The following ADCY10 variants were observed in gnomAD, a reference collection of about 807,000 sequenced individuals.
ADCY10 encodes the protein adenylate cyclase type 10.
Under a neutral mutation model 183.3 loss-of-function variants are expected in ADCY10, and 156 were observed. The observed-to-expected ratio is 0.85, with a 90% CI of 0.75 to 0.97. The LOEUF (loss-of-function observed/expected upper bound fraction) is 0.97, where lower values mean the gene tolerates loss of function less well. Ranked by LOEUF, ADCY10 falls within the 50% of genes least tolerant of loss-of-function variation. The pLI, the probability that ADCY10 is intolerant of heterozygous loss-of-function variation, is 0.00. For synonymous variants in ADCY10, 645 were observed against 670.0 expected, an observed-to-expected ratio of 0.96 and a Z score of 0.58; for missense variants, 1,745 against 1,934.3, an observed-to-expected ratio of 0.90 and a Z score of 1.84.
chr1:167,905,153 TG>T lies in ADCY10; in HGVS notation c.-14del. 6.2e-7 allele frequency: 1 copy of T among 1,614,198 alleles called. No individual in the cohort carries two copies. Among genetic ancestry groups the T allele is most frequent in the Non-Finnish European group, 8.5e-7 (1 of 1,180,044 alleles). On this transcript the variant is annotated 5_prime_UTR_variant, in exon 2 of 33. Coordinates refer to ENST00000367851, the MANE Select transcript of ADCY10 (RefSeq NM_018417.6). ...TTGGAGTGTTCATGTTCAAGACAAA[TG>T]TTCAGGATTTTATGGTGACAGGAAG...
At chr1:167,817,943 G>A (rs1662628385) in intron 31 of ADCY10, 129 bp downstream of exon 31, 1 of 915,644 alleles carries the variant, frequency 1.1e-6, no homozygotes, top group South Asian at 1.6e-5. Context: ...CTTACTTTGG[G>A]GAAGTGCCTT....
At chr1:167,904,842 C>T in intron 2 of ADCY10, 151 bp downstream of exon 2, 1 of 987,620 alleles carries the variant, frequency 1.0e-6, no homozygotes, top group Non-Finnish European at 1.6e-6. Flanking sequence ...CAAGCTATTT[C>T]CTCCCTCTTG....
intron 3 of ADCY10, 69 bp downstream of exon 3, chr1:167,903,818 T>C: frequency 1.7e-6 from 2 of 1,147,162 alleles, no homozygotes; most frequent in East Asian, 4.7e-5. Flanking sequence ...TATCAGGTTA[T>C]AATTGACAAC....
chr1:167,893,780 TC>T, intron 8 of ADCY10, 72 bp downstream of exon 8: 1 of 1,011,506 alleles, frequency 9.9e-7, no homozygotes, highest in South Asian at 1.4e-5. Flanking sequence ...GTTTTTTTTT[TC>T]TTAAATCTTA....
intron 12 of ADCY10, among the ~76,000 whole-genome samples, chr1:167,876,150 T>A (rs530546157): frequency 1.3e-5 from 2 of 148,538 alleles, no homozygotes; most frequent in East Asian, 4.1e-4. Flanking sequence ...CCAGCTACTC[T>A]GGAGGCTGAG....
intron 32 of ADCY10, among the ~76,000 whole-genome samples, chr1:167,810,214 A>G (rs981337560): frequency 6.6e-6 from 1 of 152,198 alleles, no homozygotes; most frequent in Non-Finnish European, 1.5e-5. Context: ...TGGATGAGGG[A>G]GAGAGACCAT....
chr1:167,874,100 G>A (rs1481466636), intron 13 of ADCY10, among the ~76,000 whole-genome samples: 1 of 152,160 alleles, frequency 6.6e-6, no homozygotes, highest in Non-Finnish European at 1.5e-5. Context: ...GGGAGGCTGG[G>A]GCAAGTGGAT....
intron 16 of ADCY10, among the ~76,000 whole-genome samples, chr1:167,858,705 G>T (rs1666081570): frequency 6.6e-6 from 1 of 152,150 alleles, no homozygotes; most frequent in Non-Finnish European, 1.5e-5. Context: ...AGGTGACATT[G>T]AAAGATGAGC....
intron 30 of ADCY10, among the ~76,000 whole-genome samples, chr1:167,819,648 C>T (rs1383511308): frequency 1.3e-5 from 2 of 152,180 alleles, no homozygotes; most frequent in East Asian, 3.9e-4. Flanking sequence ...CCGCAACCTT[C>T]GCCTCCTGGG....
intron 1 of ADCY10, among the ~76,000 whole-genome samples, chr1:167,913,571 C>T (rs114643496): frequency 1.7e-3 from 254 of 152,290 alleles, no homozygotes; most frequent in African/African-American, 5.9e-3. Flanking sequence ...TGAATTGCTT[C>T]TATTTTGTCT....
intron 24 of ADCY10, among the ~76,000 whole-genome samples, chr1:167,833,404 AC>A (rs915808037): frequency 2.0e-5 from 3 of 152,162 alleles, no homozygotes; most frequent in African/African-American, 7.2e-5. Flanking sequence ...GACAATGTTT[AC>A]CCATTCAGGT....
In ADCY10 at chr1:167,898,341, C is replaced by A. The variant is rs1013529558; in HGVS notation, c.642+1082G>T. ...AGAGGCTGGGCGTGGTGGCTTACACCTATAATCCCAGCACTTTGGGAGGCT... is the reference window on the plus strand; with the variant it reads ...AGAGGCTGGGCGTGGTGGCTTACACATATAATCCCAGCACTTTGGGAGGCT... On this transcript the variant is annotated intron_variant, in intron 6 of 32. Coordinates refer to ENST00000367851, the MANE Select transcript of ADCY10 (RefSeq NM_018417.6). 6.6e-5 allele frequency among the ~76,000 whole-genome samples: 10 copies of A among 152,172 alleles called. No individual in the cohort carries two copies. In the East Asian group the frequency reaches 1.7e-3, roughly 27 times the overall value.
intron 30 of ADCY10, 42 bp downstream of exon 30, chr1:167,821,982 A>C (rs779354653): frequency 7.5e-7 from 1 of 1,341,880 alleles, no homozygotes; most frequent in South Asian, 1.2e-5. Flanking sequence ...GGGATTCAAC[A>C]TTTTCACTTT....
chr1:167,899,191 A>G (rs548670458), intron 6 of ADCY10, among the ~76,000 whole-genome samples: 1 of 152,218 alleles, frequency 6.6e-6, no homozygotes, highest in Non-Finnish European at 1.5e-5. Context: ...CAAATTCCAT[A>G]TCCTCAGTTA....
intron 26 of ADCY10, among the ~76,000 whole-genome samples, chr1:167,826,042 T>G (rs922096490): frequency 1.3e-5 from 2 of 152,212 alleles, no homozygotes; most frequent in Admixed American, 6.5e-5. Flanking sequence ...GGAAGTGTTT[T>G]AGAGTAGAGG....
At chr1:167,846,888 A>G (rs533457699) in intron 19 of ADCY10, among the ~76,000 whole-genome samples, 1 of 151,626 alleles carries the variant, frequency 6.6e-6, no homozygotes, top group South Asian at 2.1e-4. Flanking sequence ...GAATTTCTCA[A>G]CTTGCCCAAA....
chr1:167,832,937 C>G, intron 25 of ADCY10, 50 bp downstream of exon 25: 5 of 1,595,578 alleles, frequency 3.1e-6, no homozygotes, highest in Non-Finnish European at 4.3e-6. Context: ...GTGTAGGCCT[C>G]TCTGGGGAGT....
At chr1:167,875,523 C>T (rs1667391990) in intron 12 of ADCY10, among the ~76,000 whole-genome samples, 1 of 152,234 alleles carries the variant, frequency 6.6e-6, no homozygotes, top group Non-Finnish European at 1.5e-5. Flanking sequence ...CAGAGTCACA[C>T]ATCCTGCAAA....
chr1:167,858,127 C>T lies in ADCY10; in HGVS notation c.1896+1680G>A, dbSNP rs114349607. On this transcript the variant is annotated intron_variant, in intron 16 of 32. Transcript: ENST00000367851. ...ATAATACAATGCCACCAACTTATAT[C>T]GATCATTTATTATGTACAATTATGA... is the stretch of plus-strand genomic sequence containing the variant. Among the ~76,000 whole-genome samples, 890 of 152,090 alleles carry T rather than the reference C, an allele frequency of 5.9e-3. 10 individuals carry two copies. The highest frequency in any genetic ancestry group is 0.02 in the African/African-American group (843 of 41,500).
Sources: gnomAD v4.1 joint callset for allele counts (sites outside exome capture counted in the v4.1 genomes callset) on GRCh38, gnomAD v4.1.1 for gene constraint, MANE v1.5 for transcripts, NCBI Gene and HGNC (gene_info 2026-07-23, HGNC 2026-07-21) for gene names.